ERCC2: variants seen among roughly 807,000 people sequenced by gnomAD.
ERCC2 encodes the protein ERCC excision repair 2, TFIIH core complex helicase subunit.
A neutral mutation model predicts 99.4 loss-of-function variants in ERCC2; 90 were observed. That is an observed-to-expected ratio of 0.91 (90% CI 0.76 to 1.08). ERCC2 has a LOEUF of 1.08. Among genes scored for constraint, ERCC2 ranks in the 50% least tolerant of loss-of-function variants. ERCC2 has a pLI of 0.00. For synonymous variants in ERCC2, 497 were observed against 432.4 expected (o/e 1.15, Z -1.85); for missense variants, 993 against 1,038.1 (o/e 0.96, Z 0.60).
chr19:45,352,397 G>C (rs900883360), intron 21 of ERCC2, 45 bp from the exon 22 acceptor site: 2 of 1,613,590 alleles, frequency 1.2e-6, no homozygotes, highest in African/African-American at 1.3e-5. Context: ...CATTCGGGGA[G>C]CCTGGGCCAC....
In ERCC2 at chr19:45,351,038, A is replaced by C; in HGVS notation, c.*591T>G. On this transcript the variant is annotated 3_prime_UTR_variant, in exon 23 of 23. Coordinates refer to ENST00000391945, the MANE Select transcript of ERCC2 (RefSeq NM_000400.4). The stretch of plus-strand genomic sequence containing the variant: ...CTCAGGTGAGGGGGACATCTGGGTC[A>C]AAAATAGAGGAGGCCATGTGGGTAG... 3.1e-6 allele frequency: 5 copies of C among 1,614,060 alleles called. No homozygotes were observed. The highest frequency in any genetic ancestry group is 4.2e-6 in the Non-Finnish European group (5 of 1,179,946).
chr19:45,358,437 C>G (rs1324697401), intron 12 of ERCC2: 3 of 272,276 alleles, frequency 1.1e-5, no homozygotes, highest in Non-Finnish European at 2.1e-5. Context: ...TCACCTCCTG[C>G]CTGGACCCAT....
At chr19:45,365,986 A>G (rs1972414055) in intron 5 of ERCC2, among the ~76,000 whole-genome samples, 1 of 150,696 alleles carries the variant, frequency 6.6e-6, no homozygotes, top group East Asian at 2.0e-4. Context: ...ACAGGTGTGC[A>G]CCACCATGCC....
At chr19:45,353,390 C>T (rs1466106292) in intron 17 of ERCC2, 56 bp from the exon 18 acceptor site, 4 of 1,208,648 alleles carry the variant, frequency 3.3e-6, no homozygotes, top group Non-Finnish European at 4.8e-6. Context: ...ATCCTGGTTA[C>T]ATCCAACTCT....
rs754796877 is a variant in ERCC2, at chr19:45,353,343, G to A, written c.1666-9C>T. 6.2e-7 allele frequency: 1 copy of A among 1,608,098 alleles called. No individual in the cohort carries two copies. The highest frequency in any genetic ancestry group is 1.7e-5 in the Admixed American group (1 of 59,772). ...ATGTTCTCAAGGATCCCCTGGGGAA[G>A]GACCCAGGGAGGTCAGGGTGGGTTC... On this transcript the variant is annotated splice_polypyrimidine_tract_variant and intron_variant, in intron 17 of 22. Coordinates refer to ENST00000391945, the MANE Select transcript of ERCC2 (RefSeq NM_000400.4).
chr19:45,351,852 T>C, intron 22 of ERCC2, 131 bp from the exon 23 acceptor site: 1 of 812,074 alleles, frequency 1.2e-6, no homozygotes. Flanking sequence ...GAGATGTCCG[T>C]ATAATCCAGA....
chr19:45,351,810 G>T, intron 22 of ERCC2, 89 bp from the exon 23 acceptor site: 2 of 1,126,762 alleles, frequency 1.8e-6, no homozygotes, highest in Non-Finnish European at 2.7e-6. Flanking sequence ...CCCCCGAATG[G>T]CCAGTAGGGA....
rs1174299183 is a variant in ERCC2 at position 45,351,311 on chromosome 19, C to T, written c.*318G>A. 1.2e-6 allele frequency: 2 copies of T among 1,612,524 alleles called. No individual in the cohort carries two copies. The highest frequency in any genetic ancestry group is 1.7e-6 in the Non-Finnish European group (2 of 1,180,008). On this transcript the variant is annotated 3_prime_UTR_variant, in exon 23 of 23. Coordinates refer to ENST00000391945, the MANE Select transcript of ERCC2 (RefSeq NM_000400.4). ...TTTCCCAGCTGGCACCTGGACAAGG[C>T]CCCTCGGACCCTCAGCGCCAGCACC...
Position 45,363,931 on chromosome 19 carries a change from G to A in ERCC2, c.950-20C>T. The A allele has an allele frequency of 2.6e-6, 4 of 1,536,620 alleles. No individual in the cohort carries two copies. Among genetic ancestry groups the A allele is most frequent in the Non-Finnish European group, 3.5e-6 (4 of 1,148,420 alleles). Reference sequence around the variant, plus strand: ...CTGCCTCTGCGAGGAGACGCTATCAGCGGCGACGGGGAGGCGGGAAAGGGA... The same window carrying A: ...CTGCCTCTGCGAGGAGACGCTATCAACGGCGACGGGGAGGCGGGAAAGGGA... On this transcript the variant is annotated intron_variant, in intron 10 of 22. Coordinates refer to ENST00000391945, the MANE Select transcript of ERCC2 (RefSeq NM_000400.4).
chr19:45,367,447 T>C (rs1319721646), intron 5 of ERCC2, among the ~76,000 whole-genome samples: 1 of 151,778 alleles, frequency 6.6e-6, no homozygotes, highest in Non-Finnish European at 1.5e-5. Flanking sequence ...GTATAATATA[T>C]ACACATATAT....
At position 45,351,213 on chromosome 19, in the gene ERCC2, A is replaced by C; in HGVS notation, c.*416T>G. The stretch of plus-strand genomic sequence containing the variant: ...GTTGGATAGTTGGCTGCCAGGCTGG[A>C]CCTGGAGCTGGAGGGTGGATGTAAC... On this transcript the variant is annotated 3_prime_UTR_variant, in exon 23 of 23. Coordinates refer to ENST00000391945, the MANE Select transcript of ERCC2 (RefSeq NM_000400.4). The C allele has an allele frequency of 1.9e-6, 3 of 1,589,814 alleles. No homozygotes were observed. The highest frequency in any genetic ancestry group is 2.6e-6 in the Non-Finnish European group (3 of 1,167,518).
At chr19:45,355,810 T>A in intron 15 of ERCC2, 82 bp from the exon 16 acceptor site, 7 of 940,394 alleles carry the variant, frequency 7.4e-6, no homozygotes, top group Non-Finnish European at 1.1e-5. Context: ...GGTGCTGTTC[T>A]AAGCTTTTTT....
intron 1 of ERCC2, 64 bp downstream of exon 1, chr19:45,370,472 G>C (rs1599753308): frequency 8.9e-7 from 1 of 1,120,740 alleles, no homozygotes; most frequent in Non-Finnish European, 1.1e-6. Context: ...CGCGCCCACC[G>C]ATGACCCCAT....
In ERCC2 at chr19:45,351,043, T is replaced by G. The variant is rs185975564; in HGVS notation, c.*586A>C. 1 of 1,613,558 alleles carries G rather than the reference T, an allele frequency of 6.2e-7. No homozygotes were observed. The highest frequency in any genetic ancestry group is 8.5e-7 in the Non-Finnish European group (1 of 1,179,862). On this transcript the variant is annotated 3_prime_UTR_variant, in exon 23 of 23. Transcript: ENST00000391945. ...GTGAGGGGGACATCTGGGTCAAAAATAGAGGAGGCCATGTGGGTAGGTGCA... is the reference window on the plus strand; with the variant it reads ...GTGAGGGGGACATCTGGGTCAAAAAGAGAGGAGGCCATGTGGGTAGGTGCA...
chr19:45,350,932 C>T lies in ERCC2; in HGVS notation c.*697G>A, dbSNP rs775444355. Reference sequence around the variant, plus strand: ...GGCCACTCCTGGATTCACTCATTTCCTCCCTGCTGCCCTCTTTGCAGAATG... The same window carrying T: ...GGCCACTCCTGGATTCACTCATTTCTTCCCTGCTGCCCTCTTTGCAGAATG... On this transcript the variant is annotated 3_prime_UTR_variant, in exon 23 of 23. Coordinates refer to ENST00000391945, the MANE Select transcript of ERCC2 (RefSeq NM_000400.4). 20 of 1,613,022 alleles carry T rather than the reference C, an allele frequency of 1.2e-5. No individual in the cohort carries two copies. The highest frequency in any genetic ancestry group is 4.5e-5 in the East Asian group (2 of 44,860).
In ERCC2 at chr19:45,350,279, G is replaced by A; in HGVS notation, c.*1350C>T. 2.3e-6 allele frequency: 3 copies of A among 1,294,044 alleles called. No individual in the cohort carries two copies. Among genetic ancestry groups the A allele is most frequent in the Non-Finnish European group, 3.3e-6 (3 of 919,580 alleles). 80.2% of individuals were successfully genotyped at this position (1,294,044 alleles called of 1,614,324 possible). ...CTCTACAAAAAAAAAAAAAAAGGCG[G>A]GACTGGATGCAGTGTTGGGAACTGG... On this transcript the variant is annotated 3_prime_UTR_variant, in exon 23 of 23. Transcript: ENST00000391945.
chr19:45,351,814 G>A (rs1971797908), intron 22 of ERCC2, 93 bp from the exon 23 acceptor site: 4 of 1,082,306 alleles, frequency 3.7e-6, no homozygotes, highest in Non-Finnish European at 5.6e-6. Context: ...CGAATGGCCA[G>A]TAGGGACAGG....
At chr19:45,352,901 G>A (rs914982046) in intron 19 of ERCC2, 85 bp from the exon 20 acceptor site, 10 of 1,371,448 alleles carry the variant, frequency 7.3e-6, no homozygotes, top group South Asian at 3.5e-5. Context: ...AGGATGCTGT[G>A]TCTGAGTTGG....
chr19:45,358,732 G>A (rs577661318), intron 12 of ERCC2: 10 of 711,798 alleles, frequency 1.4e-5, no homozygotes, highest in South Asian at 3.0e-5. Context: ...CCTTTTCTAC[G>A]CAGACATATT....
Sources: allele counts gnomAD v4.1 joint callset (sites outside exome capture counted in the v4.1 genomes callset), GRCh38; gene constraint gnomAD v4.1.1; transcripts MANE v1.5; gene names NCBI Gene and HGNC (gene_info 2026-07-23, HGNC 2026-07-21).